CNOT10: variants seen among roughly 807,000 people sequenced by gnomAD.
CNOT10 encodes CCR4-NOT transcription complex subunit 10.
CNOT10 carries 30 observed loss-of-function variants against 94.6 expected under a neutral mutation model. The ratio of observed to expected loss-of-function variants is 0.32; its 90% CI spans 0.24 to 0.43. CNOT10 has a LOEUF of 0.43. Ranked by LOEUF, CNOT10 falls within the 20% of genes least tolerant of loss-of-function variation. The pLI is 1.00. For synonymous variants in CNOT10, 289 were observed against 301.6 expected (o/e 0.96, Z 0.43); for missense variants, 759 against 877.2 (o/e 0.87, Z 1.70).
At chr3:32,740,722 C>T (rs1399777538) in intron 13 of CNOT10, among the ~76,000 whole-genome samples, 5 of 151,162 alleles carry the variant, frequency 3.3e-5, no homozygotes, top group Admixed American at 1.3e-4. Context: ...ATTAGCCGGG[C>T]GTGGTGGCGG....
rs1341034270 is a variant in CNOT10, at chr3:32,704,741, T to G, written c.118-70T>G. 2.8e-6 allele frequency: 4 copies of G among 1,445,288 alleles called. No homozygotes were observed. In the African/African-American group the frequency reaches 6.0e-5, roughly 22 times the overall value. The allele number at this position is 1,445,288 out of a possible 1,614,324, so 89.5% of individuals were successfully genotyped here. ...TAAGATAAAGATGAATGAAATATAT[T>G]TGGAATGATATACTGTATTTAAAGC... On this transcript the variant is annotated intron_variant, in intron 2 of 18. Transcript: ENST00000328834.
chr3:32,690,551 A>AT (rs35405028), intron 1 of CNOT10, among the ~76,000 whole-genome samples: 33,040 of 146,272 alleles, frequency 0.23, 4,255 homozygotes, highest in East Asian at 0.37. Context: ...TATCCAGATA[A>AT]TTTTTTTTTT....
intron 13 of CNOT10, among the ~76,000 whole-genome samples, chr3:32,747,560 T>A (rs961059410): frequency 6.6e-6 from 1 of 152,106 alleles, no homozygotes; most frequent in Non-Finnish European, 1.5e-5. Context: ...TTTTTTTGTC[T>A]TTTACAAAAA....
At chr3:32,766,919 A>G (rs1283527162) in intron 17 of CNOT10, among the ~76,000 whole-genome samples, 5 of 152,224 alleles carry the variant, frequency 3.3e-5, no homozygotes, top group African/African-American at 1.2e-4. Context: ...AATTAGAAAT[A>G]GTTCCTCAAA....
At position 32,764,701 on chromosome 3, in the gene CNOT10, G is replaced by C. The variant is rs560391870; in HGVS notation, c.1896G>C (p.Gln632His). ...AMESSGKRAP[Q>H]CYPSSVNSAR... is the part of the protein sequence containing the mutation. Reference sequence around the variant, plus strand: ...CCCCAGCTGGTAAGCGGGCCCCTCAGTGCTACCCCAGTTCCGTCAACTCTG... The same window carrying C: ...CCCCAGCTGGTAAGCGGGCCCCTCACTGCTACCCCAGTTCCGTCAACTCTG... Residue 632 changes from glutamine to histidine, a missense_variant, in exon 17 of 19, where the codon CAG (glutamine) becomes CAC (histidine). Physicochemically the swap from Gln to His is conservative, Grantham distance 24 (BLOSUM62 0). Transcript: ENST00000328834. 8.1e-6 allele frequency: 13 copies of C among 1,614,132 alleles called. No individual in the cohort carries two copies. Among genetic ancestry groups the C allele is most frequent in the Non-Finnish European group, 1.1e-5 (13 of 1,180,044 alleles).
Position 32,720,906 on chromosome 3 carries a change from C to CT in CNOT10, c.862+675_862+676insT, listed in dbSNP as rs1575237726. 5.6e-5 allele frequency among the ~76,000 whole-genome samples: 7 copies of CT among 125,958 alleles called. No individual in the cohort carries two copies. In the South Asian group the frequency reaches 1.5e-3, roughly 26 times the overall value. 82.6% of individuals were successfully genotyped at this position (125,958 alleles called of 152,430 possible). ...TTTTCCTTCTTTTCCTTCCTTCCTT[C>CT]CTTCCTTCCTTCCTTCCTTCCTTCC... is the stretch of plus-strand genomic sequence containing the variant. On this transcript the variant is annotated intron_variant, in intron 8 of 18. Coordinates refer to ENST00000328834, the MANE Select transcript of CNOT10 (RefSeq NM_015442.3).
chr3:32,710,779 G>T (rs186627332), intron 4 of CNOT10, among the ~76,000 whole-genome samples: 3 of 152,130 alleles, frequency 2.0e-5, no homozygotes, highest in African/African-American at 7.2e-5. Flanking sequence ...GGAGTGCAGT[G>T]GCGTGAACTC....
At chr3:32,745,589 T>G (rs1215933163) in intron 13 of CNOT10, among the ~76,000 whole-genome samples, 1 of 152,256 alleles carries the variant, frequency 6.6e-6, no homozygotes, top group Non-Finnish European at 1.5e-5. Flanking sequence ...AAGAATTTTA[T>G]AGCAGCTTTA....
At chr3:32,706,932 C>T (rs568976256) in intron 3 of CNOT10, among the ~76,000 whole-genome samples, 1 of 152,332 alleles carries the variant, frequency 6.6e-6, no homozygotes, top group South Asian at 2.1e-4. Flanking sequence ...AGCTTAACCA[C>T]GTGGGTGGTT....
chr3:32,768,514 C>T (rs764029207), intron 17 of CNOT10, among the ~76,000 whole-genome samples: 4 of 151,582 alleles, frequency 2.6e-5, no homozygotes, highest in Non-Finnish European at 4.4e-5. Flanking sequence ...ACCCAGGAGG[C>T]GGAGGTTGCA....
At chr3:32,760,062 A>G (rs112246033) in intron 14 of CNOT10, among the ~76,000 whole-genome samples, 2,767 of 151,812 alleles carry the variant, frequency 0.018, 88 homozygotes, top group African/African-American at 0.063. Context: ...GGCACCTGTA[A>G]TCCCAGCTAC....
intron 5 of CNOT10, among the ~76,000 whole-genome samples, chr3:32,713,965 T>C (rs1333692435): frequency 6.6e-6 from 1 of 152,212 alleles, no homozygotes; most frequent in South Asian, 2.1e-4. Context: ...TATATAGTGC[T>C]TCTGTGACCA....
In CNOT10 at chr3:32,771,008, G is replaced by A. The variant is rs867121418; in HGVS notation, c.2080+1046G>A. Among the ~76,000 whole-genome samples the A allele has an allele frequency of 2.0e-5, 3 of 151,922 alleles. No individual in the cohort carries two copies. The Admixed American group carries it at 2.0e-4, about 10-fold the overall frequency. Reference sequence around the variant, plus strand: ...GATTATAGGCGTGAGCCAGAGCGACGACCCATCAAATTCTTCTACATAAAA... The same window carrying A: ...GATTATAGGCGTGAGCCAGAGCGACAACCCATCAAATTCTTCTACATAAAA... On this transcript the variant is annotated intron_variant, in intron 18 of 18. Coordinates refer to ENST00000328834, the MANE Select transcript of CNOT10 (RefSeq NM_015442.3).
intron 9 of CNOT10, 115 bp from the exon 10 acceptor site, chr3:32,727,553 T>G (rs568542667): frequency 4.2e-5 from 29 of 696,512 alleles, no homozygotes; most frequent in African/African-American, 3.8e-4. Context: ...AAAACTCAGA[T>G]CAGGATTATT....
At chr3:32,706,809 T>C (rs1697645289) in intron 3 of CNOT10, among the ~76,000 whole-genome samples, 1 of 152,238 alleles carries the variant, frequency 6.6e-6, no homozygotes, top group Admixed American at 6.5e-5. Context: ...GATACTGTTT[T>C]TAATCTCTTT....
At chr3:32,769,805 A>T in intron 17 of CNOT10, 82 bp from the exon 18 acceptor site, 2 of 1,075,330 alleles carry the variant, frequency 1.9e-6, no homozygotes, top group South Asian at 2.5e-5. Context: ...TAAGTTTGTT[A>T]CCTTGTTGGT....
chr3:32,755,757 C>CTT (rs66705516), intron 13 of CNOT10, among the ~76,000 whole-genome samples: 2,755 of 141,228 alleles, frequency 0.02, 38 homozygotes, highest in East Asian at 0.045. Context: ...TTTTCCTTTC[C>CTT]TTTTTTTTTT....
At chr3:32,689,642 C>T (rs182115246) in intron 1 of CNOT10, among the ~76,000 whole-genome samples, 94 of 152,216 alleles carry the variant, frequency 6.2e-4, no homozygotes, top group Non-Finnish European at 1.2e-3. Context: ...TAGCTCTAGT[C>T]CCTAGAACAA....
chr3:32,717,656 A>G (rs1213756769), intron 7 of CNOT10, among the ~76,000 whole-genome samples: 2 of 152,148 alleles, frequency 1.3e-5, no homozygotes, highest in Non-Finnish European at 2.9e-5. Flanking sequence ...ACCTGAGGTC[A>G]GGAGTTCAAG....
Sources: allele counts gnomAD v4.1 joint callset (sites outside exome capture counted in the v4.1 genomes callset), GRCh38; gene constraint gnomAD v4.1.1; transcripts MANE v1.5; gene names NCBI Gene and HGNC (gene_info 2026-07-23, HGNC 2026-07-21).